Variants in VDAC2 observed in about 807,000 individuals in gnomAD.
The protein encoded by VDAC2 is non-selective voltage-gated ion channel VDAC2.
In VDAC2, 6 loss-of-function variants were observed where a neutral mutation model predicts 36.6. That is an observed-to-expected ratio of 0.16 (90% CI 0.09 to 0.32). The LOEUF is 0.32. Ranked by LOEUF, VDAC2 falls within the 10% of genes least tolerant of loss-of-function variation. The pLI is 1.00. For synonymous variants in VDAC2, 109 were observed against 123.8 expected (o/e 0.88, Z 0.79); for missense variants, 247 against 346.0 (o/e 0.71, Z 2.27).
At chr10:75,210,972 G>C (rs1213041981) in intron 1 of VDAC2, 34 bp downstream of exon 1, 3 of 577,992 alleles carry the variant, frequency 5.2e-6, no homozygotes, top group Non-Finnish European at 8.5e-6. Flanking sequence ...CGACCCAGGG[G>C]CCTAGGCCGC....
intron 3 of VDAC2, 146 bp downstream of exon 3, chr10:75,212,444 C>T: frequency 2.7e-6 from 2 of 734,796 alleles, no homozygotes; most frequent in Non-Finnish European, 2.2e-6. Context: ...ACAGGGTCTC[C>T]CTCTGTTGCC....
At chr10:75,217,903 G>T in intron 4 of VDAC2, 1 of 1,286,498 alleles carries the variant, frequency 7.8e-7, no homozygotes, top group South Asian at 1.2e-5. Flanking sequence ...ACAATTTCTG[G>T]CTGTAGTCTC....
intron 2 of VDAC2, among the ~76,000 whole-genome samples, chr10:75,212,026 A>G (rs894669792): frequency 2.0e-5 from 3 of 152,214 alleles, no homozygotes; most frequent in South Asian, 2.1e-4. Flanking sequence ...TTGTATAATC[A>G]TGGTTATCTG....
intron 3 of VDAC2, 76 bp from the exon 4 acceptor site, chr10:75,213,945 A>G: frequency 7.0e-7 from 1 of 1,424,806 alleles, no homozygotes; most frequent in Non-Finnish European, 9.8e-7. Flanking sequence ...TTTGTTTTTT[A>G]TGTATAGTCA....
chr10:75,215,863 A>G (rs1029672019), intron 4 of VDAC2, among the ~76,000 whole-genome samples: 1 of 152,076 alleles, frequency 6.6e-6, no homozygotes. Context: ...CTGGGATTAC[A>G]GGTGCTTGCC....
chr10:75,227,269 A>G (rs1354049218), intron 8 of VDAC2, among the ~76,000 whole-genome samples: 3 of 152,222 alleles, frequency 2.0e-5, no homozygotes. Context: ...TGGGAACCCC[A>G]GTTTATAACC....
chr10:75,212,618 CTG>C (rs1314744914), intron 3 of VDAC2, among the ~76,000 whole-genome samples: 1 of 152,132 alleles, frequency 6.6e-6, no homozygotes, highest in Non-Finnish European at 1.5e-5. Context: ...TGGGGTCTCA[CTG>C]TGTTACCCAG....
intron 2 of VDAC2, 187 bp downstream of exon 2, chr10:75,211,376 C>T (rs1841414898): frequency 5.7e-6 from 8 of 1,399,718 alleles, no homozygotes; most frequent in African/African-American, 2.9e-5. Flanking sequence ...AAATGGGGAA[C>T]AAGGCCCGGG....
chr10:75,224,089 G>T (rs1590010949), intron 8 of VDAC2, among the ~76,000 whole-genome samples: 1 of 152,232 alleles, frequency 6.6e-6, no homozygotes, highest in Non-Finnish European at 1.5e-5. Context: ...GGGAACCTCT[G>T]TTTAGAGGTG....
rs78581738 is a variant in VDAC2, at chr10:75,222,745, G to A, written c.735+343G>A. Reference sequence around the variant, plus strand: ...TGCTTTTTTAAGGCTCTCTGTTGTCGAGGCTGGACTGCAGTGGCACAATCA... The same window carrying A: ...TGCTTTTTTAAGGCTCTCTGTTGTCAAGGCTGGACTGCAGTGGCACAATCA... On this transcript the variant is annotated intron_variant, in intron 8 of 9. Transcript: ENST00000332211. Among the ~76,000 whole-genome samples, 304 of 152,048 alleles carry A rather than the reference G, an allele frequency of 2.0e-3. 2 individuals are homozygous for A. In the East Asian group the frequency reaches 0.038, roughly 19 times the overall value.
intron 2 of VDAC2, 144 bp from the exon 3 acceptor site, chr10:75,212,086 C>T (rs2804535): frequency 0.51 from 360,204 of 701,628 alleles, 99,154 homozygotes; most frequent in East Asian, 0.92. Flanking sequence ...CGTTATAGTT[C>T]TATTGTAGCT....
intron 4 of VDAC2, among the ~76,000 whole-genome samples, chr10:75,217,101 T>C (rs1841629231): frequency 6.6e-6 from 1 of 151,694 alleles, no homozygotes; most frequent in Non-Finnish European, 1.5e-5. Flanking sequence ...ACAAAAAAAT[T>C]TAAAAATTAG....
At chr10:75,211,322 C>T in intron 2 of VDAC2, 133 bp downstream of exon 2, 1 of 1,417,276 alleles carries the variant, frequency 7.1e-7, no homozygotes, top group Non-Finnish European at 9.6e-7. Context: ...GCCCCACCGT[C>T]TGACCACCTC....
At chr10:75,216,000 T>C (rs1461929610) in intron 4 of VDAC2, among the ~76,000 whole-genome samples, 2 of 152,252 alleles carry the variant, frequency 1.3e-5, no homozygotes, top group Non-Finnish European at 2.9e-5. Flanking sequence ...GCCACAGCGC[T>C]AGCCCTGTAG....
At chr10:75,222,880 A>C (rs1024087627) in intron 8 of VDAC2, among the ~76,000 whole-genome samples, 46 of 151,802 alleles carry the variant, frequency 3.0e-4, no homozygotes, top group African/African-American at 1.1e-3. Flanking sequence ...TGCCCATCCT[A>C]GGCTCAAGCT....
intron 3 of VDAC2, 140 bp from the exon 4 acceptor site, chr10:75,213,881 T>G: frequency 1.3e-6 from 1 of 754,076 alleles, no homozygotes; most frequent in South Asian, 1.9e-5. Context: ...AACAATTTCA[T>G]TTAAATATTG....
At position 75,212,120 on chromosome 10, in the gene VDAC2, A is replaced by G. The variant is rs991978520; in HGVS notation, c.32-110A>G. ...CTCCTGACCGCATAAAAAACATTCC[A>G]ACAAATGGGATTGCTTGAATTTTAA... On this transcript the variant is annotated intron_variant, in intron 2 of 9. Transcript: ENST00000332211. 4.1e-6 allele frequency: 4 copies of G among 985,372 alleles called. No homozygotes were observed. The African/African-American group carries it at 6.5e-5, about 16-fold the overall frequency. 61.0% of individuals were successfully genotyped at this position (985,372 alleles called of 1,614,324 possible).
At chr10:75,222,171 A>G (rs1226725413) in intron 7 of VDAC2, 81 bp from the exon 8 acceptor site, 1 of 1,413,670 alleles carries the variant, frequency 7.1e-7, no homozygotes. Flanking sequence ...TTTTATTTAA[A>G]TGTAATGCTA....
At chr10:75,210,785 T>C (rs756488534), upstream of VDAC2, 1 of 191,434 alleles carries the variant, frequency 5.2e-6, no homozygotes, top group Non-Finnish European at 1.1e-5. Context: ...AGCGGCGGGG[T>C]CCTGTCTGGG....
Sources: allele counts gnomAD v4.1 joint callset (sites outside exome capture counted in the v4.1 genomes callset), GRCh38; gene constraint gnomAD v4.1.1; transcripts MANE v1.5; gene names NCBI Gene and HGNC (gene_info 2026-07-23, HGNC 2026-07-21).